FOXP1: variants seen among roughly 807,000 people sequenced by gnomAD.
FOXP1 encodes forkhead box protein P1.
In FOXP1, 15 loss-of-function variants were observed where a neutral mutation model predicts 98.2. The ratio of observed to expected loss-of-function variants is 0.15; its 90% CI spans 0.10 to 0.24. FOXP1 has a LOEUF of 0.24. Among genes scored for constraint, FOXP1 ranks in the 10% least tolerant of loss-of-function variants. The pLI, the probability that FOXP1 is intolerant of heterozygous loss-of-function variation, is 1.00. For synonymous variants in FOXP1, 371 were observed against 314.5 expected (o/e 1.18, Z -1.90); for missense variants, 633 against 848.5 (o/e 0.75, Z 3.15).
intron 6 of FOXP1, among the ~76,000 whole-genome samples, chr3:71,150,806 C>T (rs192184941): frequency 2.0e-5 from 3 of 152,124 alleles, no homozygotes; most frequent in East Asian, 3.9e-4. Context: ...TCTAGTTCAA[C>T]GTTAAGTATG....
chr3:70,963,970 T>C (rs565223041), intron 20 of FOXP1, among the ~76,000 whole-genome samples: 2 of 152,290 alleles, frequency 1.3e-5, no homozygotes, highest in South Asian at 2.1e-4. Context: ...TTTATTCCAA[T>C]AGACTGGAAC....
chr3:71,518,209 A>C (rs2042721348), intron 2 of FOXP1, among the ~76,000 whole-genome samples: 2 of 152,168 alleles, frequency 1.3e-5, no homozygotes, highest in Non-Finnish European at 1.5e-5. Context: ...TAATTAATAC[A>C]AACAGCCCCA....
chr3:71,074,458 C>T (rs927517447), intron 7 of FOXP1, among the ~76,000 whole-genome samples: 5 of 152,174 alleles, frequency 3.3e-5, no homozygotes, highest in African/African-American at 1.2e-4. Flanking sequence ...AACTCCTAAT[C>T]TCAGGTGATT....
At chr3:71,444,709 G>A (rs568140766) in intron 3 of FOXP1, among the ~76,000 whole-genome samples, 12 of 152,228 alleles carry the variant, frequency 7.9e-5, no homozygotes, top group South Asian at 2.1e-4. Context: ...GTATTATTAC[G>A]GGCCAGCCCA....
chr3:70,954,977 T>C lies in FOXP1; in HGVS notation c.*4270A>G, dbSNP rs917965969. Reference sequence around the variant, plus strand: ...ACTGTATCATCTTCATCAAGGCTTATGGGTAGCAGAGATTGCGTGAGCTAC... The same window carrying C: ...ACTGTATCATCTTCATCAAGGCTTACGGGTAGCAGAGATTGCGTGAGCTAC... On this transcript the variant is annotated 3_prime_UTR_variant, in exon 21 of 21. Coordinates refer to ENST00000649528, the MANE Select transcript of FOXP1 (RefSeq NM_001349338.3). 2 of 232,580 alleles carry C rather than the reference T, an allele frequency of 8.6e-6. No individual in the cohort carries two copies. The highest frequency in any genetic ancestry group is 8.5e-6 in the Non-Finnish European group (1 of 117,704). The allele number at this position is 232,580 out of a possible 1,614,324, so 14.4% of individuals were successfully genotyped here. A position where few individuals can be genotyped will look rare whatever the true frequency, so the allele number is the denominator to read the frequency against.
chr3:71,416,141 C>T (rs980233244), intron 3 of FOXP1, among the ~76,000 whole-genome samples: 22 of 152,024 alleles, frequency 1.4e-4, no homozygotes, highest in African/African-American at 2.2e-4. Flanking sequence ...AGAAGACAGA[C>T]ATTAATCAAA....
At chr3:71,558,994 CG>C (rs2046350927) in intron 2 of FOXP1, among the ~76,000 whole-genome samples, 2 of 151,878 alleles carry the variant, frequency 1.3e-5, no homozygotes, top group Non-Finnish European at 2.9e-5. Flanking sequence ...TTAGTAGAGA[CG>C]GGGTTTCACC....
Position 71,341,100 on chromosome 3 carries a change from ACTAGGAACCAACCAGGC to A in FOXP1, c.-73+18033_-73+18049del, listed in dbSNP as rs370648100. Reference sequence around the variant, plus strand: ...CAAGGAAATAGAAGGCATGAACAACACTAGGAACCAACCAGGCCTAGGAACCAACCAACCAGACATCC... The same window carrying A: ...CAAGGAAATAGAAGGCATGAACAACACTAGGAACCAACCAACCAGACATCC... On this transcript the variant is annotated intron_variant, in intron 4 of 20. Coordinates refer to ENST00000649528, the MANE Select transcript of FOXP1 (RefSeq NM_001349338.3). Among the ~76,000 whole-genome samples, 1,499 of 152,304 alleles carry A rather than the reference ACTAGGAACCAACCAGGC, an allele frequency of 9.8e-3. 27 individuals are homozygous for A. The highest frequency in any genetic ancestry group is 0.034 in the African/African-American group (1,423 of 41,562).
chr3:71,216,712 T>G (rs1246123963), intron 5 of FOXP1, among the ~76,000 whole-genome samples: 1 of 151,850 alleles, frequency 6.6e-6, no homozygotes, highest in African/African-American at 2.4e-5. Flanking sequence ...GTCCAACAAT[T>G]AAAAATGCAA....
At chr3:71,327,920 T>G (rs1341711626) in intron 4 of FOXP1, among the ~76,000 whole-genome samples, 1 of 152,192 alleles carries the variant, frequency 6.6e-6, no homozygotes, top group Non-Finnish European at 1.5e-5. Context: ...TTTTTCTAAA[T>G]CAGTAATGTT....
At chr3:71,505,539 C>A (rs1187669783) in intron 2 of FOXP1, among the ~76,000 whole-genome samples, 1 of 151,854 alleles carries the variant, frequency 6.6e-6, no homozygotes, top group Non-Finnish European at 1.5e-5. Context: ...GATTCTCCTG[C>A]CTCAGCCTCC....
intron 6 of FOXP1, among the ~76,000 whole-genome samples, chr3:71,163,081 A>T (rs1443502790): frequency 3.3e-5 from 5 of 152,252 alleles, no homozygotes; most frequent in Admixed American, 2.6e-4. Flanking sequence ...ACGGACTTTG[A>T]GTTAGAGAAC....
chr3:71,137,007 C>T (rs2059850808), intron 6 of FOXP1, among the ~76,000 whole-genome samples: 2 of 152,166 alleles, frequency 1.3e-5, no homozygotes, highest in Admixed American at 6.5e-5. Flanking sequence ...TGAAGCACTC[C>T]CTTTTGTTAA....
At chr3:71,470,929 C>G (rs2089282075) in intron 3 of FOXP1, among the ~76,000 whole-genome samples, 1 of 152,174 alleles carries the variant, frequency 6.6e-6, no homozygotes, top group Non-Finnish European at 1.5e-5. Flanking sequence ...GTGCCTTAAC[C>G]TTCCTAAGCC....
rs915758171 is a variant in FOXP1 at position 71,425,009 on chromosome 3, C to G, written c.-167-65765G>C. ...TGTTTACTCAGAAAAAGAAAAAAAG[C>G]ACTATCTTGAATTTGTATTCATATA... On this transcript the variant is annotated intron_variant, in intron 3 of 20. Transcript: ENST00000649528. Among the ~76,000 whole-genome samples the G allele has an allele frequency of 2.0e-5, 3 of 152,300 alleles. No homozygotes were observed. The South Asian group carries it at 6.2e-4, about 32-fold the overall frequency.
At chr3:71,397,049 CACATATATATGTGTAT>C (rs2081527361) in intron 3 of FOXP1, among the ~76,000 whole-genome samples, 6 of 41,418 alleles carry the variant, frequency 1.4e-4, no homozygotes, top group African/African-American at 6.8e-4. Flanking sequence ...TATATATATA[CACATATATATGTGTAT>C]ATATATATAC....
chr3:71,064,579 T>C (rs2052094856), intron 7 of FOXP1, among the ~76,000 whole-genome samples: 1 of 151,826 alleles, frequency 6.6e-6, no homozygotes, highest in Non-Finnish European at 1.5e-5. Flanking sequence ...GGGGGGTATC[T>C]CTCTCCAGGA....
chr3:71,010,759 G>A (rs898941258), intron 12 of FOXP1, among the ~76,000 whole-genome samples: 1 of 152,070 alleles, frequency 6.6e-6, no homozygotes, highest in Non-Finnish European at 1.5e-5. Context: ...AAATGAAGAT[G>A]CTTTCAGGAT....
Position 70,957,387 on chromosome 3 carries a change from C to T in FOXP1, c.*1860G>A, listed in dbSNP as rs1462660060. 2 of 229,380 alleles carry T rather than the reference C, an allele frequency of 8.7e-6. No homozygotes were observed. Among genetic ancestry groups the T allele is most frequent in the Non-Finnish European group, 1.7e-5 (2 of 115,556 alleles). The allele number at this position is 229,380 out of a possible 1,614,324, so 14.2% of individuals were successfully genotyped here. On this transcript the variant is annotated 3_prime_UTR_variant, in exon 21 of 21. Transcript: ENST00000649528. ...AGGAGCAGTTCTCTTTCTCAGGTTG[C>T]AATAGCCTATCGCTTGTCATTTGCC...
Sources: gnomAD v4.1 joint callset for allele counts (sites outside exome capture counted in the v4.1 genomes callset) on GRCh38, gnomAD v4.1.1 for gene constraint, MANE v1.5 for transcripts, NCBI Gene and HGNC (gene_info 2026-07-23, HGNC 2026-07-21) for gene names.